Variants in ERBB4 observed in about 807,000 individuals in gnomAD.
ERBB4 encodes the protein receptor tyrosine-protein kinase erbB-4.
Under a neutral mutation model 158.0 loss-of-function variants are expected in ERBB4, and 42 were observed. The observed-to-expected ratio is 0.27, with a 90% CI of 0.21 to 0.34. The LOEUF is 0.34. ERBB4 is among the 10% of genes least tolerant of loss of function. The pLI is 1.00. For missense variants in ERBB4, 1,333 were observed against 1,624.1 expected (o/e 0.82, Z 3.08); for synonymous variants, 583 against 558.7 (o/e 1.04, Z -0.61).
At chr2:211,653,949 C>T (rs2071114426) in intron 16 of ERBB4, among the ~76,000 whole-genome samples, 2 of 152,148 alleles carry the variant, frequency 1.3e-5, no homozygotes, top group Admixed American at 6.5e-5. Flanking sequence ...GCTGGGATTA[C>T]AGGTATGAGC....
chr2:212,018,291 T>C (rs747281211), intron 2 of ERBB4, among the ~76,000 whole-genome samples: 1 of 152,178 alleles, frequency 6.6e-6, no homozygotes, highest in Non-Finnish European at 1.5e-5. Context: ...TAACCTGAGA[T>C]AAAGAATACA....
At chr2:211,572,489 C>G (rs564446559) in intron 19 of ERBB4, among the ~76,000 whole-genome samples, 39 of 152,182 alleles carry the variant, frequency 2.6e-4, no homozygotes, top group Non-Finnish European at 1.6e-4. Context: ...ACGACGCTCC[C>G]TGGCTTTCAT....
At chr2:212,054,798 T>C (rs780155894) in intron 2 of ERBB4, among the ~76,000 whole-genome samples, 1 of 152,178 alleles carries the variant, frequency 6.6e-6, no homozygotes, top group Non-Finnish European at 1.5e-5. Flanking sequence ...AGAATAAGGA[T>C]GAAAGTATTG....
chr2:211,957,021 G>A (rs887467729), intron 2 of ERBB4, among the ~76,000 whole-genome samples: 1 of 151,720 alleles, frequency 6.6e-6, no homozygotes, highest in African/African-American at 2.4e-5. Flanking sequence ...TAGAGATGGG[G>A]GTCTCATTAT....
Position 212,108,767 on chromosome 2 carries a change from T to C in ERBB4, c.234+15985A>G, listed in dbSNP as rs143531160. Among the ~76,000 whole-genome samples, 240 of 148,482 alleles carry C rather than the reference T, an allele frequency of 1.6e-3. 2 individuals carry two copies. Among genetic ancestry groups the C allele is most frequent in the East Asian group, 7.3e-3 (37 of 5,052 alleles). ...TAATTGAATAGCACAGAGCATCTGC[T>C]GAGGAAGTAGCGTCACATTTTAAGA... On this transcript the variant is annotated intron_variant, in intron 2 of 27. Coordinates refer to ENST00000342788, the MANE Select transcript of ERBB4 (RefSeq NM_005235.3).
At chr2:211,782,364 A>C (rs1041480280) in intron 4 of ERBB4, among the ~76,000 whole-genome samples, 2 of 152,202 alleles carry the variant, frequency 1.3e-5, no homozygotes, top group Non-Finnish European at 2.9e-5. Flanking sequence ...GTAAGTGATT[A>C]AAAGCTTGAC....
chr2:211,413,244 A>G (rs1237213754), intron 25 of ERBB4, among the ~76,000 whole-genome samples: 1 of 146,250 alleles, frequency 6.8e-6, no homozygotes, highest in Non-Finnish European at 1.5e-5. Context: ...TCAAGACTGC[A>G]GTGAACCATG....
chr2:211,473,918 G>A (rs933148191), intron 20 of ERBB4, among the ~76,000 whole-genome samples: 3 of 152,038 alleles, frequency 2.0e-5, no homozygotes, highest in African/African-American at 7.2e-5. Context: ...TTTGAAGTTT[G>A]TGGAGAGATT....
chr2:212,307,772 G>A (rs1298821697), intron 1 of ERBB4, among the ~76,000 whole-genome samples: 1 of 150,978 alleles, frequency 6.6e-6, no homozygotes. Flanking sequence ...GCTTTAAATA[G>A]CAGGTAACAT....
At chr2:211,703,604 T>C (rs1418578421) in intron 11 of ERBB4, among the ~76,000 whole-genome samples, 1 of 152,236 alleles carries the variant, frequency 6.6e-6, no homozygotes, top group East Asian at 1.9e-4. Flanking sequence ...ATTTTATCAA[T>C]GTCCTTCTAA....
At chr2:211,786,589 T>C (rs2076169746) in intron 4 of ERBB4, among the ~76,000 whole-genome samples, 1 of 152,210 alleles carries the variant, frequency 6.6e-6, no homozygotes. Context: ...TCTGTGAAAG[T>C]GCAGCAAACC....
At chr2:212,058,255 CT>C (rs1326790292) in intron 2 of ERBB4, among the ~76,000 whole-genome samples, 1 of 152,202 alleles carries the variant, frequency 6.6e-6, no homozygotes, top group Non-Finnish European at 1.5e-5. Context: ...AGTTGAATCT[CT>C]GAATAGACCC....
intron 4 of ERBB4, among the ~76,000 whole-genome samples, chr2:211,767,851 G>T (rs12473495): frequency 6.6e-6 from 1 of 152,046 alleles, no homozygotes; most frequent in Non-Finnish European, 1.5e-5. Flanking sequence ...ATATCATTCT[G>T]CCCCTGGCCT....
intron 25 of ERBB4, among the ~76,000 whole-genome samples, chr2:211,401,237 T>A (rs1481232641): frequency 1.3e-5 from 2 of 152,056 alleles, no homozygotes; most frequent in African/African-American, 4.8e-5. Context: ...ATAAATGAAC[T>A]GAATGATCTA....
At chr2:212,338,804 T>G (rs1356251604) in intron 1 of ERBB4, among the ~76,000 whole-genome samples, 1 of 152,122 alleles carries the variant, frequency 6.6e-6, no homozygotes, top group African/African-American at 2.4e-5. Flanking sequence ...TTTAAATGGA[T>G]GCTTCAAACA....
At position 211,897,770 on chromosome 2, in the gene ERBB4, G is replaced by T. The variant is rs193266636; in HGVS notation, c.421+49660C>A. Among the ~76,000 whole-genome samples the T allele has an allele frequency of 2.5e-3, 387 of 151,906 alleles. 2 individuals carry two copies. Among genetic ancestry groups the T allele is most frequent in the Middle Eastern group, 6.8e-3 (2 of 294 alleles). On this transcript the variant is annotated intron_variant, in intron 3 of 27. Transcript: ENST00000342788. ...TTTTTTGCTTTTGTTTTTAGACAGG[G>T]TGTCATTCTGTCACCTAGGCTGGAG...
At position 212,011,232 on chromosome 2, in the gene ERBB4, C is replaced by T. The variant is rs192506796; in HGVS notation, c.235-63616G>A. ...TTATTTGGGAATTGATAAATGTCCA[C>T]GAAATCATCACAATTTATGTCCCTC... On this transcript the variant is annotated intron_variant, in intron 2 of 27. Coordinates refer to ENST00000342788, the MANE Select transcript of ERBB4 (RefSeq NM_005235.3). Among the ~76,000 whole-genome samples the T allele has an allele frequency of 1.4e-4, 22 of 152,260 alleles. No individual in the cohort carries two copies. In the East Asian group the frequency reaches 2.5e-3, roughly 17 times the overall value.
chr2:212,087,872 C>T (rs964895030), intron 2 of ERBB4, among the ~76,000 whole-genome samples: 1 of 151,844 alleles, frequency 6.6e-6, no homozygotes, highest in Non-Finnish European at 1.5e-5. Context: ...ATTTATTTAA[C>T]CTCTAAACTT....
Position 211,685,182 on chromosome 2 carries a change from A to G in ERBB4, c.1490-5998T>C, listed in dbSNP as rs530079983. ...TTTTTATGGATTGTTCTTTGCATGCAAACTCTAAATTCTTTTCACCTAACT... is the reference window on the plus strand; with the variant it reads ...TTTTTATGGATTGTTCTTTGCATGCGAACTCTAAATTCTTTTCACCTAACT... On this transcript the variant is annotated intron_variant, in intron 12 of 27. Coordinates refer to ENST00000342788, the MANE Select transcript of ERBB4 (RefSeq NM_005235.3). 3.9e-5 allele frequency among the ~76,000 whole-genome samples: 6 copies of G among 152,300 alleles called. No individual in the cohort carries two copies. In the East Asian group the frequency reaches 7.7e-4, roughly 20 times the overall value.
Sources: allele counts gnomAD v4.1 joint callset (sites outside exome capture counted in the v4.1 genomes callset), GRCh38; gene constraint gnomAD v4.1.1; transcripts MANE v1.5; gene names NCBI Gene and HGNC (gene_info 2026-07-23, HGNC 2026-07-21).